Variants in USP4 observed in about 807,000 individuals in gnomAD.
USP4 encodes ubiquitin carboxyl-terminal hydrolase 4.
Under a neutral mutation model 118.2 loss-of-function variants are expected in USP4, and 72 were observed. The ratio of observed to expected loss-of-function variants is 0.61; its 90% CI spans 0.50 to 0.74. The LOEUF (loss-of-function observed/expected upper bound fraction) is 0.74. Ranked by LOEUF, USP4 falls within the 30% of genes least tolerant of loss-of-function variation. The probability of loss-of-function intolerance (pLI) is 0.00; values close to 1 mark genes in which losing one functional copy is unlikely to be tolerated. For missense variants in USP4, 1,037 were observed against 1,185.7 expected (o/e 0.87, Z 1.84); for synonymous variants, 415 against 440.4 (o/e 0.94, Z 0.72).
At chr3:49,295,057 A>G (rs1372323168) in intron 13 of USP4, among the ~76,000 whole-genome samples, 1 of 152,182 alleles carries the variant, frequency 6.6e-6, no homozygotes, top group Non-Finnish European at 1.5e-5. Context: ...TGGGAGGCCA[A>G]GGCGGGCGGA....
At chr3:49,290,977 T>C (rs1039419163) in intron 15 of USP4, among the ~76,000 whole-genome samples, 10 of 149,924 alleles carry the variant, frequency 6.7e-5, no homozygotes, top group Non-Finnish European at 1.5e-4. Context: ...GACCCTACGC[T>C]TTTTTTTTGG....
intron 6 of USP4, 93 bp from the exon 7 acceptor site, chr3:49,311,747 C>T (rs1377812385): frequency 6.7e-7 from 1 of 1,498,216 alleles, no homozygotes; most frequent in Admixed American, 2.2e-5. Flanking sequence ...AATAAATATT[C>T]TTCATATTAA....
Position 49,328,962 on chromosome 3 carries a change from G to C in USP4, c.230-1146C>G, listed in dbSNP as rs917207155. 2.1e-4 allele frequency among the ~76,000 whole-genome samples: 32 copies of C among 152,140 alleles called. 1 individual carries two copies. Among genetic ancestry groups the C allele is most frequent in the African/African-American group, 3.1e-4 (13 of 41,514 alleles). On this transcript the variant is annotated intron_variant, in intron 2 of 21. Coordinates refer to ENST00000265560, the MANE Select transcript of USP4 (RefSeq NM_003363.4). ...TCGGAGGCCGAGGTGGGCAGATCATGAGGTCAGGAGTTCAAGACCAGCCTG... is the reference window on the plus strand; with the variant it reads ...TCGGAGGCCGAGGTGGGCAGATCATCAGGTCAGGAGTTCAAGACCAGCCTG...
intron 4 of USP4, 76 bp from the exon 5 acceptor site, chr3:49,325,115 C>T: frequency 6.5e-6 from 10 of 1,543,742 alleles, no homozygotes; most frequent in Non-Finnish European, 8.7e-6. Flanking sequence ...AACTAATGCT[C>T]ATCCTCTTTC....
Position 49,325,745 on chromosome 3 carries a change from C to CA in USP4, c.460dup (p.Cys154LeufsTer27). On this transcript the variant is annotated frameshift_variant, in exon 4 of 22. Coordinates refer to ENST00000265560, the MANE Select transcript of USP4 (RefSeq NM_003363.4). LOFTEE classifies it high-confidence loss of function. ...AATGGTGTCTGCCTTGCTGAAATGG[C>CA]AACTCAGCACATTGGTGGGGTCACT... 2 of 1,613,846 alleles carry CA rather than the reference C, an allele frequency of 1.2e-6. No individual in the cohort carries two copies. The highest frequency in any genetic ancestry group is 3.3e-4 in the Middle Eastern group (2 of 6,028).
At chr3:49,288,491 A>G (rs1276199703) in intron 15 of USP4, among the ~76,000 whole-genome samples, 1 of 152,170 alleles carries the variant, frequency 6.6e-6, no homozygotes, top group African/African-American at 2.4e-5. Context: ...CCTGAGCAAC[A>G]TGGTGAAACC....
In USP4 at chr3:49,280,831, C is replaced by T. The variant is rs1422488696; in HGVS notation, c.2557G>A (p.Glu853Lys). ...CTTGCTGACAGGTTACAGACAAACT[C>T]GGACATGTTCAGCCCTCTGAGCACA... ...EFPIRGLNMS[E>K]FVCNLSARPY... Residue 853 changes from glutamate (E) to lysine (K), a missense_variant, in exon 20 of 22, where the codon GAG (glutamate) becomes AAG (lysine). By Grantham distance (56) the Glu-to-Lys change is moderately conservative (BLOSUM62 1). Coordinates refer to ENST00000265560, the MANE Select transcript of USP4 (RefSeq NM_003363.4). 5.6e-6 allele frequency: 9 copies of T among 1,614,082 alleles called. No homozygotes were observed. Among genetic ancestry groups the T allele is most frequent in the South Asian group, 4.4e-5 (4 of 91,074 alleles).
chr3:49,339,746 C>T (rs1041838883), intron 1 of USP4, among the ~76,000 whole-genome samples, 178 bp downstream of exon 1: 8 of 152,308 alleles, frequency 5.3e-5, no homozygotes, highest in Admixed American at 3.3e-4. Context: ...ACTCAGGCCC[C>T]GCCTGCGCTT....
intron 9 of USP4, among the ~76,000 whole-genome samples, chr3:49,305,096 A>G (rs188052458): frequency 2.4e-4 from 35 of 144,314 alleles, no homozygotes; most frequent in Non-Finnish European, 4.1e-4. Flanking sequence ...TCTTTGAGAC[A>G]GAGTCTCGTT....
chr3:49,309,546 GC>G (rs2047358424), intron 8 of USP4, among the ~76,000 whole-genome samples: 1 of 151,098 alleles, frequency 6.6e-6, no homozygotes, highest in Admixed American at 6.6e-5. Context: ...GTGAGCCATT[GC>G]GCCTGGCCAA....
chr3:49,315,103 TA>T (rs879790623), intron 6 of USP4, among the ~76,000 whole-genome samples: 92 of 144,330 alleles, frequency 6.4e-4, no homozygotes, highest in Non-Finnish European at 7.2e-4. Context: ...CAGTAAGATT[TA>T]AAAAAAAAAA....
intron 15 of USP4, among the ~76,000 whole-genome samples, chr3:49,291,604 A>G (rs556373295): frequency 3.3e-4 from 50 of 151,682 alleles, no homozygotes; most frequent in Middle Eastern, 3.4e-3. Flanking sequence ...AGAAAGAAAA[A>G]GAAAAGAAAA....
chr3:49,292,440 A>C, intron 15 of USP4, 70 bp downstream of exon 15: 1 of 1,080,804 alleles, frequency 9.3e-7, no homozygotes, highest in Non-Finnish European at 1.3e-6. Flanking sequence ...TGTGTGTAAC[A>C]CCTTTAGAAG....
At chr3:49,282,314 G>A (rs184844027) in intron 19 of USP4, among the ~76,000 whole-genome samples, 166 of 151,716 alleles carry the variant, frequency 1.1e-3, no homozygotes, top group African/African-American at 3.6e-3. Context: ...TCGCTGTGTC[G>A]TCCGGGCTGG....
At chr3:49,320,328 G>A (rs557153781) in intron 6 of USP4, among the ~76,000 whole-genome samples, 2 of 152,294 alleles carry the variant, frequency 1.3e-5, no homozygotes, top group East Asian at 3.9e-4. Context: ...TGTAATCCCA[G>A]CTACTCGAGA....
At chr3:49,296,677 A>G (rs1235816241) in intron 13 of USP4, among the ~76,000 whole-genome samples, 3 of 152,218 alleles carry the variant, frequency 2.0e-5, no homozygotes, top group African/African-American at 4.8e-5. Flanking sequence ...AAATAAAAAT[A>G]CCAGATGCTA....
chr3:49,311,521 T>G lies in USP4; in HGVS notation c.829A>C (p.Ser277Arg), dbSNP rs1367853820. Residue 277 changes from serine (S) to arginine (R), a missense_variant, in exon 7 of 22, where the codon AGC (serine) becomes CGC (arginine). This residue lies in a region of USP4 where 487 missense variants were observed against 534.1 expected (regional missense o/e 0.91). Transcript: ENST00000265560. ...GAAAGGACCTGCTCTTACCCCCTGCTGACACCGGAACTGTGCATCCCACAG... is the reference window on the plus strand; with the variant it reads ...GAAAGGACCTGCTCTTACCCCCTGCGGACACCGGAACTGTGCATCCCACAG... Reference protein sequence around the residue: ...STCGMHSSGVSRGGSGFSASY... With the variant: ...STCGMHSSGVRRGGSGFSASY... 1.3e-5 allele frequency: 21 copies of G among 1,613,360 alleles called. No individual in the cohort carries two copies. In the Admixed American group the frequency reaches 3.5e-4, roughly 27 times the overall value.
chr3:49,308,785 T>A (rs2047348429), intron 8 of USP4, among the ~76,000 whole-genome samples: 1 of 151,368 alleles, frequency 6.6e-6, no homozygotes. Flanking sequence ...CCCAGCACTT[T>A]GGGAGGCTGA....
At chr3:49,327,955 G>A (rs1196808195) in intron 2 of USP4, 139 bp from the exon 3 acceptor site, 2 of 737,208 alleles carry the variant, frequency 2.7e-6, no homozygotes, top group South Asian at 2.0e-5. Flanking sequence ...TTCTGTCACT[G>A]GTCATTATAC....
Sources: gnomAD v4.1 joint callset for allele counts (sites outside exome capture counted in the v4.1 genomes callset) on GRCh38, gnomAD v4.1.1 for gene constraint, gnomAD v4.1.1 regional missense constraint, MANE v1.5 for transcripts, NCBI Gene and HGNC (gene_info 2026-07-23, HGNC 2026-07-21) for gene names.